The following RRAGD variants were observed in gnomAD, a reference collection of about 807,000 sequenced individuals.
The protein encoded by RRAGD is Ras related GTP binding D.
RRAGD carries 12 observed loss-of-function variants against 35.5 expected under a neutral mutation model. That is an observed-to-expected ratio of 0.34 (90% CI 0.22 to 0.55). The LOEUF is 0.55. Ranked by LOEUF, RRAGD falls within the 20% of genes least tolerant of loss-of-function variation. The pLI is 0.91. For synonymous variants in RRAGD, 155 were observed against 178.9 expected (o/e 0.87, Z 1.07); for missense variants, 324 against 490.1 (o/e 0.66, Z 3.20).
chr6:89,378,352 C>G (rs1184517255), intron 4 of RRAGD, among the ~76,000 whole-genome samples: 1 of 151,530 alleles, frequency 6.6e-6, no homozygotes, highest in Admixed American at 6.6e-5. Context: ...TTTTAGGTAA[C>G]CAAATTGAGC....
chr6:89,382,899 A>C (rs1054360698), intron 2 of RRAGD, among the ~76,000 whole-genome samples: 1 of 152,146 alleles, frequency 6.6e-6, no homozygotes, highest in Admixed American at 6.5e-5. Flanking sequence ...AAAAAAATTA[A>C]ATTAAATGAA....
chr6:89,398,993 C>T (rs1375351543), intron 1 of RRAGD, among the ~76,000 whole-genome samples: 1 of 152,256 alleles, frequency 6.6e-6, no homozygotes, highest in Non-Finnish European at 1.5e-5. Flanking sequence ...CTGTGCAACA[C>T]TGCCCCCAAT....
In RRAGD at chr6:89,412,149, G is replaced by C; in HGVS notation, c.-156C>G. Reference sequence around the variant, plus strand: ...GGGGGCCGCGCGTCCCCCGGCGGGCGGCGCCCAGGTCCGGGTCCCGCGGTT... The same window carrying C: ...GGGGGCCGCGCGTCCCCCGGCGGGCCGCGCCCAGGTCCGGGTCCCGCGGTT... On this transcript the variant is annotated 5_prime_UTR_variant, in exon 1 of 7. Transcript: ENST00000369415. The surrounding 1 kb of genome is among the most constrained non-coding windows in gnomAD (Gnocchi z 4.2). 3.1e-6 allele frequency: 2 copies of C among 646,848 alleles called. No individual in the cohort carries two copies. Among genetic ancestry groups the C allele is most frequent in the Non-Finnish European group, 4.4e-6 (2 of 454,196 alleles). 40.1% of individuals were successfully genotyped at this position (646,848 alleles called of 1,614,324 possible).
chr6:89,402,648 A>G (rs1225947023), intron 1 of RRAGD, among the ~76,000 whole-genome samples: 2 of 152,050 alleles, frequency 1.3e-5, no homozygotes, highest in Non-Finnish European at 2.9e-5. Context: ...AGCTGAACAA[A>G]TATTTGAACT....
At chr6:89,386,191 G>A (rs1244276423) in intron 2 of RRAGD, among the ~76,000 whole-genome samples, 2 of 152,180 alleles carry the variant, frequency 1.3e-5, no homozygotes, top group African/African-American at 2.4e-5. Flanking sequence ...GAGCCTTCAG[G>A]CTGGGCCATA....
rs758776340 is a variant in RRAGD, at chr6:89,372,540, T to C, written c.948A>G (p.Thr316=). The C allele has an allele frequency of 1.3e-6, 2 of 1,588,706 alleles. No homozygotes were observed. Among genetic ancestry groups the C allele is most frequent in the Admixed American group, 3.7e-5 (2 of 54,516 alleles). Residue 316 remains threonine, a synonymous_variant, in exon 6 of 7, where the codon ACA becomes ACG. Coordinates refer to ENST00000369415, the MANE Select transcript of RRAGD (RefSeq NM_021244.5). Reference sequence around the variant, plus strand: ...TTGTATTATTAAGCTTTATGATGGCTGTGGATTCCTTGTCATAGGGGGTTC... The same window carrying C: ...TTGTATTATTAAGCTTTATGATGGCCGTGGATTCCTTGTCATAGGGGGTTC... ...GAGTPYDKES[T]AIIKLNNTTV...
At chr6:89,387,154 T>G (rs1382381742) in intron 2 of RRAGD, 141 bp downstream of exon 2, 3 of 812,756 alleles carry the variant, frequency 3.7e-6, no homozygotes, top group East Asian at 5.1e-5. Flanking sequence ...CTTTTAACTT[T>G]GGCAAAGTCT....
intron 1 of RRAGD, among the ~76,000 whole-genome samples, chr6:89,391,282 G>A (rs1474573690): frequency 6.6e-6 from 1 of 151,008 alleles, no homozygotes; most frequent in Non-Finnish European, 1.5e-5. Context: ...CTACTCAGGA[G>A]ACCAAGGTGG....
chr6:89,389,138 T>C (rs949567472), intron 1 of RRAGD, among the ~76,000 whole-genome samples: 13 of 152,264 alleles, frequency 8.5e-5, no homozygotes, highest in Admixed American at 6.5e-4. Context: ...ATCCCTGACA[T>C]AGAACATTCT....
intron 1 of RRAGD, among the ~76,000 whole-genome samples, chr6:89,405,534 A>G (rs1214333538): frequency 6.6e-6 from 1 of 151,874 alleles, no homozygotes; most frequent in Non-Finnish European, 1.5e-5. Flanking sequence ...CTATCAGCAT[A>G]CACGCATACA....
In RRAGD at chr6:89,411,364, G is replaced by A. The variant is rs1418668948; in HGVS notation, c.148+482C>T. The A allele has an allele frequency of 6.5e-6, 1 of 152,842 alleles. No individual in the cohort carries two copies. Among genetic ancestry groups the A allele is most frequent in the Non-Finnish European group, 1.5e-5 (1 of 68,422 alleles). The allele number at this position is 152,842 out of a possible 1,614,324, so 9.5% of individuals were successfully genotyped here. A position where few individuals can be genotyped will look rare whatever the true frequency, so the allele number is the denominator to read the frequency against. The stretch of plus-strand genomic sequence containing the variant: ...TGGGCCCCTCCCGCGGCGACGCGGG[G>A]CGAGACTGACACCCGCAGCTGCCGA... On this transcript the variant is annotated intron_variant, in intron 1 of 6. Transcript: ENST00000369415. This position sits in a 1 kb window ranked among gnomAD's most constrained non-coding sequence, Gnocchi z 5.6.
At chr6:89,386,561 T>C (rs1183179004) in intron 2 of RRAGD, among the ~76,000 whole-genome samples, 1 of 152,230 alleles carries the variant, frequency 6.6e-6, no homozygotes, top group Non-Finnish European at 1.5e-5. Context: ...TAATTTTTCA[T>C]GATAGAAAAC....
chr6:89,372,276 G>C (rs1434356862), intron 6 of RRAGD, among the ~76,000 whole-genome samples, 161 bp downstream of exon 6: 1 of 152,250 alleles, frequency 6.6e-6, no homozygotes, highest in Non-Finnish European at 1.5e-5. Flanking sequence ...ACTGGGGGCA[G>C]GAGCCCGCCC....
intron 6 of RRAGD, among the ~76,000 whole-genome samples, chr6:89,369,946 T>A (rs1768828057): frequency 6.6e-6 from 1 of 152,104 alleles, no homozygotes; most frequent in South Asian, 2.1e-4. Flanking sequence ...AGGCCCCACA[T>A]CCTTCTCTGG....
At position 89,366,951 on chromosome 6, in the gene RRAGD, A is replaced by T. The variant is rs1555403; in HGVS notation, c.*1105T>A. On this transcript the variant is annotated 3_prime_UTR_variant, in exon 7 of 7. Transcript: ENST00000369415. Reference sequence around the variant, plus strand: ...ACAAGTGGAGTACATGAGGCATGTTATCACCAGTGAGAAGGAGATGTGGAG... The same window carrying T: ...ACAAGTGGAGTACATGAGGCATGTTTTCACCAGTGAGAAGGAGATGTGGAG... The T allele has an allele frequency of 0.3, 45,864 of 152,002 alleles. 8,003 individuals are homozygous for T. The highest frequency in any genetic ancestry group is 0.48 in the African/African-American group (19,673 of 41,374). The allele number at this position is 152,002 out of a possible 1,614,324, so 9.4% of individuals were successfully genotyped here.
intron 1 of RRAGD, among the ~76,000 whole-genome samples, chr6:89,399,281 T>C (rs950971890): frequency 3.3e-5 from 5 of 152,212 alleles, no homozygotes; most frequent in Admixed American, 2.6e-4. Flanking sequence ...TGCTGGGAAC[T>C]AAATACACAT....
Position 89,367,918 on chromosome 6 carries a change from G to C in RRAGD, c.*138C>G. ...TATTTATAAAAGAGAAGATCAAGAG[G>C]GTTGCAGGAATTTTTTTTTTTTAAC... On this transcript the variant is annotated 3_prime_UTR_variant, in exon 7 of 7. Transcript: ENST00000369415. 1 of 700,640 alleles carries C rather than the reference G, an allele frequency of 1.4e-6. No homozygotes were observed. The highest frequency in any genetic ancestry group is 2.2e-6 in the Non-Finnish European group (1 of 460,970). 43.4% of individuals were successfully genotyped at this position (700,640 alleles called of 1,614,324 possible).
intron 1 of RRAGD, among the ~76,000 whole-genome samples, chr6:89,401,965 T>G (rs1769474120): frequency 6.7e-6 from 1 of 150,236 alleles, no homozygotes; most frequent in Admixed American, 6.7e-5. Context: ...GATGGAGAGG[T>G]GACAGGCTAG....
intron 6 of RRAGD, among the ~76,000 whole-genome samples, chr6:89,370,687 A>C (rs1768839937): frequency 6.6e-6 from 1 of 152,234 alleles, no homozygotes; most frequent in Admixed American, 6.5e-5. Context: ...AGATGTCTGA[A>C]AATAGAAGAA....
Sources: allele counts gnomAD v4.1 joint callset (sites outside exome capture counted in the v4.1 genomes callset), GRCh38; gene constraint gnomAD v4.1.1; non-coding constraint Gnocchi (gnomAD v3.1); transcripts MANE v1.5; gene names NCBI Gene and HGNC (gene_info 2026-07-23, HGNC 2026-07-21).